HLCS: variants seen among roughly 807,000 people sequenced by gnomAD.
The protein encoded by HLCS is biotin--protein ligase.
In HLCS, 53 loss-of-function variants were observed where a neutral mutation model predicts 75.0. That is an observed-to-expected ratio of 0.71 (90% CI 0.57 to 0.89). The LOEUF is 0.89. Among genes scored for constraint, HLCS ranks in the 40% least tolerant of loss-of-function variants. The probability of loss-of-function intolerance (pLI) is 0.00; values close to 1 mark genes in which losing one functional copy is unlikely to be tolerated. For missense variants in HLCS, 966 were observed against 1,074.0 expected (o/e 0.90, Z 1.41); for synonymous variants, 431 against 428.6 (o/e 1.01, Z -0.07).
intron 6 of HLCS, among the ~76,000 whole-genome samples, chr21:36,836,336 A>G (rs1420123000): frequency 5.3e-5 from 8 of 152,046 alleles, no homozygotes; most frequent in African/African-American, 1.9e-4. Flanking sequence ...TTATACTTTA[A>G]GTTTTAGGGT....
intron 6 of HLCS, among the ~76,000 whole-genome samples, chr21:36,799,225 A>G (rs1007258152): frequency 1.3e-5 from 2 of 152,142 alleles, no homozygotes; most frequent in African/African-American, 4.8e-5. Flanking sequence ...TTTTTTTCCT[A>G]TGCAGGCAGA....
chr21:36,749,547 A>G lies in HLCS; in HGVS notation c.*4699T>C, dbSNP rs971314609. ...AGTGGGCCTCATGGTAAGAGTCACA[A>G]TTTGCAAATTTAGGACCGTGGGTCA... On this transcript the variant is annotated 3_prime_UTR_variant, in exon 11 of 11. Coordinates refer to ENST00000674895, the MANE Select transcript of HLCS (RefSeq NM_001352514.2). The G allele has an allele frequency of 2.0e-5, 3 of 151,684 alleles. No individual in the cohort carries two copies. Among genetic ancestry groups the G allele is most frequent in the Admixed American group, 1.3e-4 (2 of 15,220 alleles). 9.4% of individuals were successfully genotyped at this position (151,684 alleles called of 1,614,324 possible).
In HLCS at chr21:36,756,640, G is replaced by A. The variant is rs150263699; in HGVS notation, c.2352C>T (p.Ile784=). The change falls in exon 10 of 11, where the codon ATC becomes ATT. Residue 784 remains isoleucine (I), a synonymous_variant. Coordinates refer to ENST00000674895, the MANE Select transcript of HLCS (RefSeq NM_001352514.2). Reference sequence around the variant, plus strand: ...TCTCCAGCACAGTCACGACTCTGGCGATGAGATAATCGGCTCTTAAGGGCT... The same window carrying A: ...TCTCCAGCACAGTCACGACTCTGGCAATGAGATAATCGGCTCTTAAGGGCT... The part of the protein sequence containing the change: ...ELKPLRADYL[I]ARVVTVLEKL... 136 of 1,614,094 alleles carry A rather than the reference G, an allele frequency of 8.4e-5. No individual in the cohort carries two copies. Among genetic ancestry groups the A allele is most frequent in the South Asian group, 2.2e-4 (20 of 91,070 alleles).
At chr21:36,801,432 A>G (rs1477247687) in intron 6 of HLCS, among the ~76,000 whole-genome samples, 2 of 152,260 alleles carry the variant, frequency 1.3e-5, no homozygotes, top group Non-Finnish European at 2.9e-5. Flanking sequence ...GGAAAAAAAC[A>G]CAGGCATCTG....
intron 6 of HLCS, among the ~76,000 whole-genome samples, chr21:36,793,883 A>G (rs988568767): frequency 7.2e-5 from 11 of 152,192 alleles, no homozygotes; most frequent in Non-Finnish European, 1.6e-4. Flanking sequence ...TCTCCCATCG[A>G]AAGCATCTCT....
At chr21:36,878,723 G>T (rs1383011332) in intron 6 of HLCS, among the ~76,000 whole-genome samples, 1 of 152,152 alleles carries the variant, frequency 6.6e-6, no homozygotes, top group African/African-American at 2.4e-5. Flanking sequence ...GAATTGTCAA[G>T]AGTTAGACAT....
chr21:36,962,148 C>T lies in HLCS; in HGVS notation c.218G>A (p.Trp73Ter). Residue 73 changes from tryptophan (W) to a stop codon, truncating the protein, a stop_gained, in exon 2 of 11, where the codon TGG becomes TAG. Transcript: ENST00000674895. LOFTEE classifies it high-confidence loss of function. Reference sequence around the variant, plus strand: ...AAAAGGAGACACAAGAAATAGGGCCCACTTGTTCAAGTCTTCAATGGACTG... The same window carrying T: ...AAAAGGAGACACAAGAAATAGGGCCTACTTGTTCAAGTCTTCAATGGACTG... The part of the protein sequence containing the change: ...DSQSIEDLNK[W>*]ALFLVSPFIL... 1 of 1,288,780 alleles carries T rather than the reference C, an allele frequency of 7.8e-7. No homozygotes were observed. Among genetic ancestry groups the T allele is most frequent in the African/African-American group, 1.5e-5 (1 of 65,890 alleles). 79.8% of individuals were successfully genotyped at this position (1,288,780 alleles called of 1,614,324 possible).
rs964270366 is a variant in HLCS at position 36,941,731 on chromosome 21, G to A, written c.331-2737C>T. Among the ~76,000 whole-genome samples, 9 of 152,264 alleles carry A rather than the reference G, an allele frequency of 5.9e-5. No individual in the cohort carries two copies. The East Asian group carries it at 1.3e-3, about 23-fold the overall frequency. ...CTAAAAATACAAAAATTGGCTGGGC[G>A]CGGTGTCTCACGCCTGTAACCACAG... On this transcript the variant is annotated intron_variant, in intron 2 of 10. Coordinates refer to ENST00000674895, the MANE Select transcript of HLCS (RefSeq NM_001352514.2).
chr21:36,816,879 C>G (rs527688565), intron 6 of HLCS, among the ~76,000 whole-genome samples: 89 of 152,270 alleles, frequency 5.8e-4, no homozygotes, highest in Admixed American at 1.7e-3. Context: ...TCCCATGACT[C>G]GTAAGCTTCT....
chr21:36,967,955 G>A (rs943056811), upstream of HLCS, among the ~76,000 whole-genome samples: 6 of 152,154 alleles, frequency 3.9e-5, no homozygotes, highest in Admixed American at 6.5e-5. Context: ...CCTGACCTCA[G>A]GTGATCCACC....
chr21:36,892,112 T>A lies in HLCS; in HGVS notation c.1892+4748A>T, dbSNP rs73389331. Among the ~76,000 whole-genome samples the A allele has an allele frequency of 7.1e-3, 1,081 of 152,282 alleles. 11 individuals are homozygous for A. Among genetic ancestry groups the A allele is most frequent in the African/African-American group, 0.025 (1,040 of 41,548 alleles). ...CAAACAGACTAGAGGGCTACTAAAG[T>A]CCTGAGAGACTTGTATCTCTACAGA... On this transcript the variant is annotated intron_variant, in intron 6 of 10. Coordinates refer to ENST00000674895, the MANE Select transcript of HLCS (RefSeq NM_001352514.2).
chr21:36,955,660 CGAA>C (rs1458307826), intron 2 of HLCS, among the ~76,000 whole-genome samples: 6 of 152,106 alleles, frequency 3.9e-5, no homozygotes, highest in South Asian at 2.1e-4. Flanking sequence ...AATTTATTAT[CGAA>C]GAAGAAGGCT....
chr21:36,866,793 T>A (rs1284106690), intron 6 of HLCS, among the ~76,000 whole-genome samples: 6 of 152,128 alleles, frequency 3.9e-5, no homozygotes, highest in African/African-American at 1.4e-4. Flanking sequence ...AGAAATAAAT[T>A]AGTAGTAGAT....
chr21:36,888,267 C>G (rs1456015968), intron 6 of HLCS, among the ~76,000 whole-genome samples: 1 of 151,402 alleles, frequency 6.6e-6, no homozygotes, highest in Non-Finnish European at 1.5e-5. Flanking sequence ...GTTAGCAGCA[C>G]AGACCCAGAA....
intron 1 of HLCS, among the ~76,000 whole-genome samples, chr21:36,963,108 T>G (rs927365845): frequency 6.6e-6 from 1 of 152,192 alleles, no homozygotes; most frequent in African/African-American, 2.4e-5. Context: ...TAAACTCCAG[T>G]CAGGAGTGAT....
intron 1 of HLCS, 53 bp from the exon 2 acceptor site, chr21:36,962,223 C>A: frequency 8.2e-7 from 1 of 1,220,726 alleles, no homozygotes; most frequent in Non-Finnish European, 1.1e-6. Context: ...CCACAACTGC[C>A]ATAAATTTCA....
chr21:36,913,087 C>A (rs1187296757), intron 5 of HLCS, among the ~76,000 whole-genome samples: 2 of 152,128 alleles, frequency 1.3e-5, no homozygotes, highest in African/African-American at 4.8e-5. Context: ...CCAGTCCTTT[C>A]CAGGCGACAC....
At chr21:36,839,722 C>T (rs1241216592) in intron 6 of HLCS, among the ~76,000 whole-genome samples, 3 of 151,968 alleles carry the variant, frequency 2.0e-5, no homozygotes, top group Non-Finnish European at 4.4e-5. Flanking sequence ...ATCCTACACA[C>T]ATGTTTCTGA....
intron 6 of HLCS, among the ~76,000 whole-genome samples, chr21:36,819,017 A>C (rs1337476544): frequency 1.3e-5 from 2 of 152,160 alleles, no homozygotes; most frequent in East Asian, 3.9e-4. Flanking sequence ...CGTCGATGCT[A>C]ACGCCAGAAA....
Sources: allele counts gnomAD v4.1 joint callset (sites outside exome capture counted in the v4.1 genomes callset), GRCh38; gene constraint gnomAD v4.1.1; transcripts MANE v1.5; gene names NCBI Gene and HGNC (gene_info 2026-07-23, HGNC 2026-07-21).